Variants in FGFR1 observed in about 807,000 individuals in gnomAD.
The protein encoded by FGFR1 is FGFR1/PLAG1 fusion.
Under a neutral mutation model 93.7 loss-of-function variants are expected in FGFR1, and 18 were observed. The ratio of observed to expected loss-of-function variants is 0.19; its 90% CI spans 0.13 to 0.28. The LOEUF is 0.28. Among genes scored for constraint, FGFR1 ranks in the 10% least tolerant of loss-of-function variants. FGFR1 has a pLI of 1.00. For synonymous variants in FGFR1, 448 were observed against 429.3 expected (o/e 1.04, Z -0.54); for missense variants, 731 against 1,080.4 (o/e 0.68, Z 4.53).
chr8:38,413,563 C>T lies in FGFR1; in HGVS notation c.*65G>A. 2 of 1,523,510 alleles carry T rather than the reference C, an allele frequency of 1.3e-6. No homozygotes were observed. The highest frequency in any genetic ancestry group is 1.2e-5 in the South Asian group (1 of 80,236). The allele number at this position is 1,523,510 out of a possible 1,614,324, so 94.4% of individuals were successfully genotyped here. A position where few individuals can be genotyped will look rare whatever the true frequency, so the allele number is the denominator to read the frequency against. On this transcript the variant is annotated 3_prime_UTR_variant, in exon 18 of 18. Coordinates refer to ENST00000447712, the MANE Select transcript of FGFR1 (RefSeq NM_023110.3). The surrounding 1 kb of genome is among the most constrained non-coding windows in gnomAD (Gnocchi z 4.2). ...GACAGGGACGGACAGGTGGTGGGCCCAGCAGGGGCTGTGGGTGAGGGTTAC... is the reference window on the plus strand; with the variant it reads ...GACAGGGACGGACAGGTGGTGGGCCTAGCAGGGGCTGTGGGTGAGGGTTAC...
At chr8:38,431,833 T>C (rs531549627) in intron 2 of FGFR1, among the ~76,000 whole-genome samples, 1 of 152,370 alleles carries the variant, frequency 6.6e-6, no homozygotes, top group Non-Finnish European at 1.5e-5. Context: ...ACACAACTGA[T>C]TAAAAATAAG....
In FGFR1 at chr8:38,413,219, C is replaced by T. The variant is rs971892183; in HGVS notation, c.*409G>A. ...TACTGCTGTAGCCCTGAGGACAAGG[C>T]ACCTGCCACCAGAGTGCGAGGGGCT... On this transcript the variant is annotated 3_prime_UTR_variant, in exon 18 of 18. Transcript: ENST00000447712. The surrounding 1 kb of genome is among the most constrained non-coding windows in gnomAD (Gnocchi z 4.2). 4.7e-5 allele frequency: 14 copies of T among 295,812 alleles called. No individual in the cohort carries two copies. Among genetic ancestry groups the T allele is most frequent in the Non-Finnish European group, 8.3e-5 (13 of 156,820 alleles). The allele number at this position is 295,812 out of a possible 1,614,324, so 18.3% of individuals were successfully genotyped here.
chr8:38,426,391 G>A lies in FGFR1; in HGVS notation c.622-146C>T, dbSNP rs980153288. On this transcript the variant is annotated intron_variant, in intron 5 of 17. Transcript: ENST00000447712. The surrounding 1 kb of genome is among the most constrained non-coding windows in gnomAD (Gnocchi z 4.1). ...GCTGCAGGGTTGGCTAGGACAAGGC[G>A]TGGATTGCCCCCCTACCAGCCCGTT... The A allele has an allele frequency of 1.6e-5, 19 of 1,154,564 alleles. No homozygotes were observed. The highest frequency in any genetic ancestry group is 8.7e-5 in the Admixed American group (5 of 57,696). The allele number at this position is 1,154,564 out of a possible 1,614,324, so 71.5% of individuals were successfully genotyped here. A position where few individuals can be genotyped will look rare whatever the true frequency, so the allele number is the denominator to read the frequency against.
intron 1 of FGFR1, among the ~76,000 whole-genome samples, chr8:38,458,417 T>C (rs541718988): frequency 2.2e-4 from 34 of 152,226 alleles, no homozygotes; most frequent in Non-Finnish European, 1.2e-4. Flanking sequence ...GGTACACACC[T>C]GTAATCCCAG....
rs376083174 is a variant in FGFR1, at chr8:38,433,718, C to T, written c.92-3770G>A. On this transcript the variant is annotated intron_variant, in intron 2 of 17. Transcript: ENST00000447712. The stretch of plus-strand genomic sequence containing the variant: ...TGTAAAACAGTTACCGCCTGAATCA[C>T]ACAAATTCACACTCAATTACATTCC... Among the ~76,000 whole-genome samples, 18 of 152,254 alleles carry T rather than the reference C, an allele frequency of 1.2e-4. No homozygotes were observed. In the South Asian group the frequency reaches 1.9e-3, roughly 16 times the overall value.
intron 8 of FGFR1, 95 bp from the exon 9 acceptor site, chr8:38,419,830 C>T (rs1013989532): frequency 4.5e-6 from 5 of 1,108,310 alleles, no homozygotes; most frequent in Non-Finnish European, 6.6e-6. Flanking sequence ...CTCCTGTCCC[C>T]TGGGAACTTT....
intron 2 of FGFR1, among the ~76,000 whole-genome samples, chr8:38,456,913 T>C (rs1309949468): frequency 3.3e-5 from 5 of 152,122 alleles, no homozygotes; most frequent in Non-Finnish European, 7.4e-5. Context: ...CAGAGGTCTT[T>C]AGCAAGCTCT....
At chr8:38,422,415 CTTTT>C (rs1819165607) in intron 7 of FGFR1, 2 of 355,318 alleles carry the variant, frequency 5.6e-6, no homozygotes, top group African/African-American at 2.0e-5. Context: ...CCTTCTCTCT[CTTTT>C]TTAAGAGATG....
chr8:38,423,271 G>A (rs1819475718), intron 7 of FGFR1: 6 of 703,912 alleles, frequency 8.5e-6, no homozygotes, highest in African/African-American at 3.6e-5. Flanking sequence ...CCCAGGGAGC[G>A]AAGGGAGATG....
At chr8:38,428,480 T>G in intron 3 of FGFR1, 45 bp from the exon 4 acceptor site, 1 of 1,495,752 alleles carries the variant, frequency 6.7e-7, no homozygotes, top group Non-Finnish European at 9.2e-7. Context: ...TAGGGACCCC[T>G]AGATTTCACC....
At chr8:38,432,233 G>A (rs990368752) in intron 2 of FGFR1, among the ~76,000 whole-genome samples, 1 of 152,016 alleles carries the variant, frequency 6.6e-6, no homozygotes, top group African/African-American at 2.4e-5. Context: ...GCTTGGATCC[G>A]TAACTTCCTG....
At chr8:38,442,362 GGT>G (rs56889687) in intron 2 of FGFR1, among the ~76,000 whole-genome samples, 68,618 of 145,864 alleles carry the variant, frequency 0.47, 15,954 homozygotes, top group South Asian at 0.62. Context: ...TTGTTAAAGT[GGT>G]GTGTGTGTGT....
Position 38,413,691 on chromosome 8 carries a change from G to A in FGFR1, c.2406C>T (p.Pro802=), listed in dbSNP as rs573344794. ...EDSVFSHEPL[P]EEPCLPRHPA... is the part of the protein sequence containing the mutation. ...GGTGTCGGGGCAGGCAGGGCTCCTC[G>A]GGCAGCGGCTCATGAGAGAAGACGG... The change falls in exon 18 of 18, where the codon CCC becomes CCT. Residue 802 remains proline (P), a synonymous_variant. Transcript: ENST00000447712. The surrounding 1 kb of genome is among the most constrained non-coding windows in gnomAD (Gnocchi z 4.2). The A allele has an allele frequency of 7.4e-6, 12 of 1,613,500 alleles. No homozygotes were observed. Among genetic ancestry groups the A allele is most frequent in the East Asian group, 4.5e-5 (2 of 44,856 alleles).
intron 2 of FGFR1, among the ~76,000 whole-genome samples, chr8:38,444,254 C>T (rs113181349): frequency 6.6e-6 from 1 of 152,004 alleles, no homozygotes; most frequent in African/African-American, 2.4e-5. Context: ...GAGCTTGGAC[C>T]CAGAGACTGC....
intron 2 of FGFR1, 70 bp from the exon 3 acceptor site, chr8:38,430,018 G>T: frequency 1.4e-6 from 2 of 1,474,696 alleles, no homozygotes; most frequent in South Asian, 1.3e-5. Context: ...GGGGAGGAGG[G>T]GAGAGACAAA....
At chr8:38,427,226 G>A (rs1368615939) in intron 5 of FGFR1, among the ~76,000 whole-genome samples, 1 of 152,084 alleles carries the variant, frequency 6.6e-6, no homozygotes, top group Non-Finnish European at 1.5e-5. Flanking sequence ...ATTTATTATG[G>A]TGAAAAACCA....
chr8:38,419,897 A>T, intron 8 of FGFR1, 162 bp from the exon 9 acceptor site: 3 of 629,322 alleles, frequency 4.8e-6, no homozygotes, highest in Non-Finnish European at 8.5e-6. Flanking sequence ...CACTAGGAGG[A>T]TCAGGCAACC....
At chr8:38,431,729 G>A (rs996466284) in intron 2 of FGFR1, among the ~76,000 whole-genome samples, 5 of 152,136 alleles carry the variant, frequency 3.3e-5, no homozygotes, top group African/African-American at 1.2e-4. Context: ...CAGAAACAGG[G>A]GTACTGCTTT....
At chr8:38,428,257 C>G in intron 4 of FGFR1, 89 bp downstream of exon 4, 4 of 1,488,114 alleles carry the variant, frequency 2.7e-6, no homozygotes, top group Non-Finnish European at 3.8e-6. Flanking sequence ...CCCATGTGCC[C>G]TCCTCTTCCT....
Sources: gnomAD v4.1 joint callset for allele counts (sites outside exome capture counted in the v4.1 genomes callset) on GRCh38, gnomAD v4.1.1 for gene constraint, Gnocchi (gnomAD v3.1) non-coding constraint, MANE v1.5 for transcripts, NCBI Gene and HGNC (gene_info 2026-07-23, HGNC 2026-07-21) for gene names.